The following VPS13B variants were observed in gnomAD, a reference collection of about 807,000 sequenced individuals.
VPS13B encodes intermembrane lipid transfer protein VPS13B.
In VPS13B, 285 loss-of-function variants were observed where a neutral mutation model predicts 426.4. That is an observed-to-expected ratio of 0.67 (90% confidence interval 0.61 to 0.74). The LOEUF (loss-of-function observed/expected upper bound fraction) is 0.74, where lower values mean the gene tolerates loss of function less well. Ranked by LOEUF, VPS13B falls within the 30% of genes least tolerant of loss-of-function variation. VPS13B has a pLI of 0.00. For synonymous variants in VPS13B, 1,676 were observed against 1,676.4 expected (o/e 1.00, Z 0.01); for missense variants, 4,537 against 4,782.6 (o/e 0.95, Z 1.51).
chr8:99,748,937 A>G (rs1022864571), intron 39 of VPS13B, among the ~76,000 whole-genome samples: 1 of 152,070 alleles, frequency 6.6e-6, no homozygotes, highest in Non-Finnish European at 1.5e-5. Context: ...TTCCTAGTGG[A>G]GGAATTTAAA....
At chr8:99,623,033 G>T (rs1228330596) in intron 33 of VPS13B, among the ~76,000 whole-genome samples, 2 of 152,088 alleles carry the variant, frequency 1.3e-5, no homozygotes, top group African/African-American at 4.8e-5. Flanking sequence ...TGAGTCTCTT[G>T]TCCCCTCAAA....
chr8:99,072,381 C>T (rs1433633861), intron 3 of VPS13B, among the ~76,000 whole-genome samples: 1 of 152,136 alleles, frequency 6.6e-6, no homozygotes, highest in Admixed American at 6.5e-5. Flanking sequence ...TATCTGGCAG[C>T]TAGGGCCTGG....
chr8:99,315,475 A>C (rs1165584078), intron 19 of VPS13B, among the ~76,000 whole-genome samples: 1 of 150,844 alleles, frequency 6.6e-6, no homozygotes, highest in Non-Finnish European at 1.5e-5. Flanking sequence ...TTTTATTTCC[A>C]GAATTTCCAT....
rs189512515 is a variant in VPS13B, at chr8:99,457,424, T to A, written c.3446-9990T>A. Among the ~76,000 whole-genome samples, 964 of 152,314 alleles carry A rather than the reference T, an allele frequency of 6.3e-3. 8 individuals carry two copies. Among genetic ancestry groups the A allele is most frequent in the African/African-American group, 0.022 (905 of 41,574 alleles). On this transcript the variant is annotated intron_variant, in intron 23 of 61. Coordinates refer to ENST00000357162, the MANE Select transcript of VPS13B (RefSeq NM_152564.5). ...GTTCTTAACATTCCCTTTTAATCTCTTTTATTTTTGGTGAGTTAATAGTGA... is the reference window on the plus strand; with the variant it reads ...GTTCTTAACATTCCCTTTTAATCTCATTTATTTTTGGTGAGTTAATAGTGA...
At position 99,384,308 on chromosome 8, in the gene VPS13B, T is replaced by C. The variant is rs535722018; in HGVS notation, c.2925T>C (p.His975=). The change falls in exon 20 of 62, where the codon CAT becomes CAC. Residue 975 remains histidine (H), a synonymous_variant. Transcript: ENST00000357162. ...AGCCTCAGAAACGAACAAGTAGACA[T>C]ATGCAACAGGTAAGAGATTTTTAAA... is the stretch of plus-strand genomic sequence containing the variant. ...IYQPQKRTSR[H]MQQQPVVAVP... is the part of the protein sequence containing the mutation. 45 of 1,612,776 alleles carry C rather than the reference T, an allele frequency of 2.8e-5. No homozygotes were observed. The South Asian group carries it at 4.5e-4, about 16-fold the overall frequency.
intron 28 of VPS13B, among the ~76,000 whole-genome samples, chr8:99,508,866 C>T (rs1299620998): frequency 1.3e-5 from 2 of 151,500 alleles, no homozygotes; most frequent in Non-Finnish European, 1.5e-5. Context: ...AACTAGTATT[C>T]ACTTTTTGCC....
chr8:99,222,555 A>G (rs1460577167), intron 17 of VPS13B, among the ~76,000 whole-genome samples: 1 of 152,212 alleles, frequency 6.6e-6, no homozygotes, highest in Non-Finnish European at 1.5e-5. Flanking sequence ...CTAATTCTGT[A>G]AAAGAAAGGA....
At chr8:99,170,002 T>C (rs909665797) in intron 15 of VPS13B, 37 bp from the exon 16 acceptor site, 2 of 1,610,536 alleles carry the variant, frequency 1.2e-6, no homozygotes, top group Middle Eastern at 1.7e-4. Context: ...TAAAACTTTG[T>C]CTGTGTGAAC....
At chr8:99,742,367 T>C (rs1280349430) in intron 39 of VPS13B, among the ~76,000 whole-genome samples, 3 of 152,160 alleles carry the variant, frequency 2.0e-5, no homozygotes, top group Non-Finnish European at 4.4e-5. Flanking sequence ...CAGGACCAGA[T>C]GGATTCACAG....
At chr8:99,262,029 T>TTGACTCC (rs1276474099) in intron 17 of VPS13B, among the ~76,000 whole-genome samples, 2 of 152,186 alleles carry the variant, frequency 1.3e-5, no homozygotes, top group African/African-American at 4.8e-5. Context: ...TAAATGCTTG[T>TTGACTCC]TGACTCCTTT....
At chr8:99,183,963 A>G (rs1813080166) in intron 16 of VPS13B, among the ~76,000 whole-genome samples, 1 of 152,228 alleles carries the variant, frequency 6.6e-6, no homozygotes, top group Non-Finnish European at 1.5e-5. Context: ...CTAGAAATAG[A>G]AAATATCTCT....
At chr8:99,478,207 T>C (rs1819799346) in intron 24 of VPS13B, among the ~76,000 whole-genome samples, 1 of 151,582 alleles carries the variant, frequency 6.6e-6, no homozygotes, top group Admixed American at 6.6e-5. Context: ...CACAGGAACA[T>C]AACACTTTCT....
chr8:99,027,476 G>T (rs1162437273), intron 2 of VPS13B, among the ~76,000 whole-genome samples: 1 of 151,836 alleles, frequency 6.6e-6, no homozygotes. Flanking sequence ...TTTCATGATG[G>T]TAGTTATAGT....
intron 39 of VPS13B, among the ~76,000 whole-genome samples, chr8:99,731,056 T>C (rs1179590822): frequency 6.6e-6 from 1 of 152,036 alleles, no homozygotes; most frequent in African/African-American, 2.4e-5. Context: ...GTGAGCAAAA[T>C]TTCAGAACTG....
chr8:99,579,818 G>A (rs537900784), intron 33 of VPS13B, among the ~76,000 whole-genome samples: 94 of 150,554 alleles, frequency 6.2e-4, no homozygotes, highest in Non-Finnish European at 1.2e-3. Context: ...CTGCCTCAGC[G>A]TCCCGGGTTG....
chr8:99,487,020 A>T (rs1490953567), intron 25 of VPS13B, among the ~76,000 whole-genome samples: 1 of 151,728 alleles, frequency 6.6e-6, no homozygotes, highest in Non-Finnish European at 1.5e-5. Flanking sequence ...GGCAGGAGAG[A>T]GAGTTTATCA....
chr8:99,502,800 G>C, intron 26 of VPS13B, 36 bp from the exon 27 acceptor site: 1 of 1,402,994 alleles, frequency 7.1e-7, no homozygotes, highest in South Asian at 1.2e-5. Flanking sequence ...TAATTGTGAA[G>C]ACTGTGTTGA....
chr8:99,818,985 A>AC, intron 47 of VPS13B, 97 bp downstream of exon 47: 1 of 454,236 alleles, frequency 2.2e-6, no homozygotes, highest in Non-Finnish European at 4.4e-6. Flanking sequence ...AGGGGTGGGT[A>AC]GGGAGATGGG....
chr8:99,271,988 A>G (rs879421161), intron 17 of VPS13B, among the ~76,000 whole-genome samples: 3 of 152,156 alleles, frequency 2.0e-5, no homozygotes, highest in Non-Finnish European at 4.4e-5. Flanking sequence ...CCATTTGCAA[A>G]TCATTTAATG....
Sources: gnomAD v4.1 joint callset for allele counts (sites outside exome capture counted in the v4.1 genomes callset) on GRCh38, gnomAD v4.1.1 for gene constraint, MANE v1.5 for transcripts, NCBI Gene and HGNC (gene_info 2026-07-23, HGNC 2026-07-21) for gene names.